The following ZCWPW2 variants were observed in gnomAD, a reference collection of about 807,000 sequenced individuals.
ZCWPW2 encodes zinc finger CW-type PWWP domain protein 2.
A neutral mutation model predicts 46.6 loss-of-function variants in ZCWPW2; 45 were observed. The observed-to-expected ratio is 0.96, with a 90% CI of 0.76 to 1.24. ZCWPW2 has a LOEUF of 1.24. Ranked by LOEUF, ZCWPW2 falls within the 50% of genes most tolerant of loss-of-function variation. The probability of loss-of-function intolerance (pLI) is 0.00; values close to 1 mark genes in which losing one functional copy is unlikely to be tolerated. For synonymous variants in ZCWPW2, 152 were observed against 137.1 expected (o/e 1.11, Z -0.76); for missense variants, 429 against 403.9 (o/e 1.06, Z -0.53).
intron 1 of ZCWPW2, among the ~76,000 whole-genome samples, chr3:28,379,940 G>A (rs1705621682): frequency 6.6e-6 from 1 of 151,818 alleles, no homozygotes; most frequent in South Asian, 2.1e-4. Context: ...AGTAAGTCAA[G>A]TTTATTTTTA....
At chr3:28,467,855 T>G (rs1698884849) in intron 4 of ZCWPW2, among the ~76,000 whole-genome samples, 2 of 152,086 alleles carry the variant, frequency 1.3e-5, no homozygotes. Flanking sequence ...AAACAGCAGG[T>G]GCAAACAAAC....
intron 9 of ZCWPW2, among the ~76,000 whole-genome samples, chr3:28,523,892 C>A (rs1296410150): frequency 6.6e-6 from 1 of 151,992 alleles, no homozygotes; most frequent in Non-Finnish European, 1.5e-5. Flanking sequence ...CTGAATAATT[C>A]ACAAATTGAA....
intron 9 of ZCWPW2, among the ~76,000 whole-genome samples, chr3:28,521,541 A>G (rs959566244): frequency 1.3e-5 from 2 of 152,214 alleles, no homozygotes; most frequent in African/African-American, 4.8e-5. Flanking sequence ...AAACCTTATC[A>G]TTAACATACG....
chr3:28,445,634 A>G (rs754196207), intron 4 of ZCWPW2, among the ~76,000 whole-genome samples: 1 of 152,164 alleles, frequency 6.6e-6, no homozygotes, highest in Admixed American at 6.5e-5. Flanking sequence ...GAAATGAGGA[A>G]CAAAAAGCTG....
chr3:28,379,064 A>T (rs1443925255), intron 1 of ZCWPW2, among the ~76,000 whole-genome samples: 1 of 152,160 alleles, frequency 6.6e-6, no homozygotes, highest in Admixed American at 6.5e-5. Flanking sequence ...TTGGCCCATA[A>T]TAGTACTTAT....
chr3:28,447,296 A>T (rs2125775618), intron 4 of ZCWPW2, among the ~76,000 whole-genome samples: 1 of 152,286 alleles, frequency 6.6e-6, no homozygotes, highest in Non-Finnish European at 1.5e-5. Context: ...ATAGTAAAAG[A>T]ATTATACACT....
At chr3:28,394,521 A>G (rs1212596544) in intron 2 of ZCWPW2, among the ~76,000 whole-genome samples, 2 of 152,114 alleles carry the variant, frequency 1.3e-5, no homozygotes, top group African/African-American at 4.8e-5. Context: ...AAATTATATT[A>G]CAAAGCTATA....
At chr3:28,504,659 C>T (rs1700231740) in intron 6 of ZCWPW2, among the ~76,000 whole-genome samples, 1 of 152,152 alleles carries the variant, frequency 6.6e-6, no homozygotes, top group Admixed American at 6.6e-5. Flanking sequence ...TATGTTCTCC[C>T]AGCATTCCCC....
At chr3:28,514,530 G>A (rs1334742065) in intron 7 of ZCWPW2, among the ~76,000 whole-genome samples, 3 of 152,138 alleles carry the variant, frequency 2.0e-5, no homozygotes, top group Non-Finnish European at 2.9e-5. Flanking sequence ...AGGAGTTTGA[G>A]CTGGGCTTTA....
intron 1 of ZCWPW2, among the ~76,000 whole-genome samples, chr3:28,381,048 G>GTA (rs1491341659): frequency 9.0e-5 from 1 of 11,092 alleles, no homozygotes; most frequent in African/African-American, 3.1e-4. Flanking sequence ...TATATATTTG[G>GTA]TGTATATATA....
chr3:28,501,193 T>G (rs530048204), intron 6 of ZCWPW2, among the ~76,000 whole-genome samples: 1 of 152,280 alleles, frequency 6.6e-6, no homozygotes, highest in East Asian at 1.9e-4. Flanking sequence ...AATGATCAGC[T>G]TTTGTAAGGC....
At chr3:28,425,149 C>A (rs930309421) in intron 3 of ZCWPW2, among the ~76,000 whole-genome samples, 1 of 151,910 alleles carries the variant, frequency 6.6e-6, no homozygotes, top group Non-Finnish European at 1.5e-5. Flanking sequence ...CATGTTTTAC[C>A]CCAGTACCTC....
In ZCWPW2 at chr3:28,365,863, C is replaced by A. The variant is rs1030670646; in HGVS notation, c.-134+16660C>A. On this transcript the variant is annotated intron_variant, in intron 1 of 9. Coordinates refer to ENST00000383768, the MANE Select transcript of ZCWPW2 (RefSeq NM_001040432.4). Reference sequence around the variant, plus strand: ...AGTTTTCCTTGAAGAGGTCCTTCATCTCCCGTGTAAGTTGGATTCCTAGGT... The same window carrying A: ...AGTTTTCCTTGAAGAGGTCCTTCATATCCCGTGTAAGTTGGATTCCTAGGT... 6.4e-5 allele frequency among the ~76,000 whole-genome samples: 9 copies of A among 140,834 alleles called. 1 individual carries two copies. The highest frequency in any genetic ancestry group is 2.0e-4 in the East Asian group (1 of 5,106). 92.4% of individuals were successfully genotyped at this position (140,834 alleles called of 152,430 possible). A position where few individuals can be genotyped will look rare whatever the true frequency, so the allele number is the denominator to read the frequency against.
chr3:28,472,850 A>T (rs1699087481), intron 4 of ZCWPW2, among the ~76,000 whole-genome samples: 1 of 152,120 alleles, frequency 6.6e-6, no homozygotes, highest in Non-Finnish European at 1.5e-5. Context: ...TAACCAGAAT[A>T]TATAAGAAGC....
intron 2 of ZCWPW2, among the ~76,000 whole-genome samples, chr3:28,408,415 A>G (rs1696250729): frequency 1.3e-5 from 2 of 152,156 alleles, no homozygotes; most frequent in Non-Finnish European, 2.9e-5. Flanking sequence ...CTCATACTTC[A>G]TTATTTGCAT....
Position 28,413,329 on chromosome 3 carries a change from T to A in ZCWPW2, c.261T>A (p.Cys87Ter). Reference sequence around the variant, plus strand: ...CTGAAGAGTCTCAGCTTCATCAGTGTGGATTTAAGATTGTCTATTCACAGC... The same window carrying A: ...CTGAAGAGTCTCAGCTTCATCAGTGAGGATTTAAGATTGTCTATTCACAGC... The part of the protein sequence containing the change: ...DFPEESQLHQ[C>*]GFKIVYSQLP... The change falls in exon 3 of 10, where the codon TGT (cysteine) becomes TGA (stop). Residue 87 changes from cysteine to a stop codon, truncating the protein, a stop_gained. Coordinates refer to ENST00000383768, the MANE Select transcript of ZCWPW2 (RefSeq NM_001040432.4). LOFTEE classifies it high-confidence loss of function. 6.2e-7 allele frequency: 1 copy of A among 1,613,194 alleles called. No homozygotes were observed. The highest frequency in any genetic ancestry group is 2.2e-5 in the East Asian group (1 of 44,828).
intron 3 of ZCWPW2, among the ~76,000 whole-genome samples, chr3:28,424,270 G>C (rs879866599): frequency 7.5e-5 from 9 of 119,376 alleles, no homozygotes; most frequent in East Asian, 4.5e-4. Context: ...CACACACACA[G>C]AGCCTTTAAA....
At chr3:28,373,489 A>G in intron 1 of ZCWPW2, among the ~76,000 whole-genome samples, 1 of 150,804 alleles carries the variant, frequency 6.6e-6, no homozygotes, top group Non-Finnish European at 1.5e-5. Context: ...GTTTTTTGAG[A>G]TGGAGTCTCG....
intron 4 of ZCWPW2, among the ~76,000 whole-genome samples, chr3:28,470,321 A>T (rs916533840): frequency 4.0e-5 from 6 of 151,864 alleles, no homozygotes; most frequent in African/African-American, 9.7e-5. Flanking sequence ...GGTAAATAAA[A>T]CCCCATCTCT....
Sources: allele counts gnomAD v4.1 joint callset (sites outside exome capture counted in the v4.1 genomes callset), GRCh38; gene constraint gnomAD v4.1.1; transcripts MANE v1.5; gene names NCBI Gene and HGNC (gene_info 2026-07-23, HGNC 2026-07-21).